The following SURF6 variants were observed in gnomAD, a reference collection of about 807,000 sequenced individuals.
SURF6 encodes the protein surfeit 6.
Under a neutral mutation model 37.5 loss-of-function variants are expected in SURF6, and 28 were observed. That is an observed-to-expected ratio of 0.75 (90% CI 0.55 to 1.02). SURF6 has a LOEUF of 1.02. Ranked by LOEUF, SURF6 falls within the 50% of genes least tolerant of loss-of-function variation. SURF6 has a pLI of 0.00. For missense variants in SURF6, 560 were observed against 490.5 expected (o/e 1.14, Z -1.34); for synonymous variants, 248 against 210.9 (o/e 1.18, Z -1.52).
At chr9:133,336,012 T>G (rs2129933434) in intron 1 of SURF6, 27 bp downstream of exon 1, 37 of 1,600,252 alleles carry the variant, frequency 2.3e-5, no homozygotes, top group Non-Finnish European at 3.1e-5. Context: ...GCAGGCCCCT[T>G]AGTCCCGGCC....
At chr9:133,334,950 G>A (rs1835836296) in intron 1 of SURF6, among the ~76,000 whole-genome samples, 1 of 152,092 alleles carries the variant, frequency 6.6e-6, no homozygotes, top group African/African-American at 2.4e-5. Flanking sequence ...TTAGCTGCTG[G>A]GGGTTATGTT....
chr9:133,336,142 C>G lies in SURF6; in HGVS notation c.-10G>C, dbSNP rs1374057484. On this transcript the variant is annotated 5_prime_UTR_variant, in exon 1 of 5. Transcript: ENST00000372022. ...CGAGTAGAGAGGCCATGGCGGAGAC[C>G]CGGGCCGTTCACGACTCACACCTTC... The G allele has an allele frequency of 6.2e-7, 1 of 1,609,392 alleles. No individual in the cohort carries two copies. The highest frequency in any genetic ancestry group is 1.3e-5 in the African/African-American group (1 of 74,574).
chr9:133,335,365 G>A (rs1345992754), intron 1 of SURF6, among the ~76,000 whole-genome samples: 1 of 151,602 alleles, frequency 6.6e-6, no homozygotes, highest in Non-Finnish European at 1.5e-5. Context: ...ACAGACGGAA[G>A]ACATACTAGG....
rs1835687753 is a variant in SURF6 at position 133,330,127 on chromosome 9, T to C, written c.*1742A>G. 1 of 152,256 alleles carries C rather than the reference T, an allele frequency of 6.6e-6. No individual in the cohort carries two copies. Among genetic ancestry groups the C allele is most frequent in the South Asian group, 2.1e-4 (1 of 4,834 alleles). 9.4% of individuals were successfully genotyped at this position (152,256 alleles called of 1,614,324 possible). On this transcript the variant is annotated 3_prime_UTR_variant, in exon 5 of 5. Coordinates refer to ENST00000372022, the MANE Select transcript of SURF6 (RefSeq NM_006753.6). Reference sequence around the variant, plus strand: ...CTGCATGCTTATTTTTCTTTAGCTTTAAAAATACAGACATACAGCGTATGT... The same window carrying C: ...CTGCATGCTTATTTTTCTTTAGCTTCAAAAATACAGACATACAGCGTATGT...
At chr9:133,335,954 G>A (rs1375273889) in intron 1 of SURF6, 85 bp downstream of exon 1, 2 of 1,042,980 alleles carry the variant, frequency 1.9e-6, no homozygotes, top group African/African-American at 1.7e-5. Flanking sequence ...TTTTTTTCTA[G>A]TACTTTACAG....
intron 2 of SURF6, 132 bp from the exon 3 acceptor site, chr9:133,333,938 G>A (rs2129925477): frequency 8.3e-6 from 6 of 723,884 alleles, no homozygotes; most frequent in East Asian, 5.5e-5. Flanking sequence ...CCACTCCACC[G>A]CTTCAACCTG....
intron 3 of SURF6, among the ~76,000 whole-genome samples, chr9:133,333,457 C>T (rs145830851): frequency 4.5e-4 from 68 of 152,284 alleles, no homozygotes; most frequent in African/African-American, 1.5e-3. Flanking sequence ...AGGACTATTA[C>T]GACATTCAGA....
Position 133,332,190 on chromosome 9 carries a change from G to C in SURF6, c.765C>G (p.Gly255=), listed in dbSNP as rs2129916005. Residue 255 remains glycine (G), a synonymous_variant, in exon 5 of 5, where the codon GGC becomes GGG. Transcript: ENST00000372022. Reference sequence around the variant, plus strand: ...GCTCCTGCGCCTTCCCCTCATCCTGGCCGCGCAGCTCGTCCAGCCGGCTCT... The same window carrying C: ...GCTCCTGCGCCTTCCCCTCATCCTGCCCGCGCAGCTCGTCCAGCCGGCTCT... ...ARQSRLDELR[G]QDEGKAQELE... is the part of the protein sequence containing the mutation. The C allele has an allele frequency of 1.9e-6, 3 of 1,609,440 alleles. No homozygotes were observed. The highest frequency in any genetic ancestry group is 1.7e-5 in the Admixed American group (1 of 60,020).
chr9:133,334,757 G>T (rs1835832356), intron 1 of SURF6, among the ~76,000 whole-genome samples, 156 bp from the exon 2 acceptor site: 1 of 152,028 alleles, frequency 6.6e-6, no homozygotes, highest in African/African-American at 2.4e-5. Context: ...CCACAACCTT[G>T]ACCCAGTAGT....
At position 133,331,940 on chromosome 9, in the gene SURF6, G is replaced by A. The variant is rs2129912855; in HGVS notation, c.1015C>T (p.Arg339Cys). ...LRRKKAARAE[R>C]RLLRARKKGR... ...TTCTTGCGGGCTCTGAGCAGGCGGCGCTCGGCGCGGGCCGCCTTCTTCCTG... is the reference window on the plus strand; with the variant it reads ...TTCTTGCGGGCTCTGAGCAGGCGGCACTCGGCGCGGGCCGCCTTCTTCCTG... Residue 339 changes from arginine (R) to cysteine (C), a missense_variant, in exon 5 of 5, where the codon CGC becomes TGC. Coordinates refer to ENST00000372022, the MANE Select transcript of SURF6 (RefSeq NM_006753.6). 2 of 1,587,042 alleles carry A rather than the reference G, an allele frequency of 1.3e-6. No individual in the cohort carries two copies. Among genetic ancestry groups the A allele is most frequent in the South Asian group, 1.1e-5 (1 of 89,636 alleles).
rs1188991705 is a variant in SURF6 at position 133,331,896 on chromosome 9, C to T, written c.1059G>A (p.Gln353=). The T allele has an allele frequency of 2.6e-6, 4 of 1,528,068 alleles. No homozygotes were observed. The highest frequency in any genetic ancestry group is 2.6e-6 in the Non-Finnish European group (3 of 1,149,938). 94.7% of individuals were successfully genotyped at this position (1,528,068 alleles called of 1,614,324 possible). Residue 353 remains glutamine, a synonymous_variant, in exon 5 of 5, where the codon CAG becomes CAA. Coordinates refer to ENST00000372022, the MANE Select transcript of SURF6 (RefSeq NM_006753.6). ...AGACCAGGCCTGCGCGCTCCAGGTC[C>T]TGCGGCAGGATGCGGCCCTTCTTGC... ...RARKKGRILP[Q]DLERAGLV
intron 1 of SURF6, among the ~76,000 whole-genome samples, chr9:133,335,320 GAA>G (rs10712179): frequency 8.0e-6 from 1 of 124,934 alleles, no homozygotes; most frequent in African/African-American, 2.6e-5. Context: ...TCGTTTTAAT[GAA>G]AAAAAAAAAA....
In SURF6 at chr9:133,332,007, C is replaced by A. The variant is rs1390171099; in HGVS notation, c.948G>T (p.Glu316Asp). The A allele has an allele frequency of 6.3e-7, 1 of 1,599,998 alleles. No individual in the cohort carries two copies. Among genetic ancestry groups the A allele is most frequent in the East Asian group, 2.2e-5 (1 of 44,852 alleles). ...RWEKRTAGVV[E>D]KMQQRQDRRR... is the part of the protein sequence containing the mutation. ...GCCGGTCCTGGCGCTGCTGCATCTT[C>A]TCCACCACGCCGGCCGTGCGCTTCT... The change falls in exon 5 of 5, where the codon GAG becomes GAT. Residue 316 changes from glutamate to aspartate, a missense_variant. By Grantham distance (45) the Glu-to-Asp change is conservative (BLOSUM62 2). Coordinates refer to ENST00000372022, the MANE Select transcript of SURF6 (RefSeq NM_006753.6).
chr9:133,331,932 C>T lies in SURF6; in HGVS notation c.1023G>A (p.Leu341=). Residue 341 remains leucine (L), a synonymous_variant, in exon 5 of 5, where the codon CTG becomes CTA. Transcript: ENST00000372022. ...RKKAARAERR[L]LRARKKGRIL... is the part of the protein sequence containing the mutation. ...TGCGGCCCTTCTTGCGGGCTCTGAG[C>T]AGGCGGCGCTCGGCGCGGGCCGCCT... The T allele has an allele frequency of 6.3e-7, 1 of 1,581,186 alleles. No homozygotes were observed. The highest frequency in any genetic ancestry group is 8.5e-7 in the Non-Finnish European group (1 of 1,172,262).
chr9:133,332,540 C>T lies in SURF6; in HGVS notation c.606+8G>A. Reference sequence around the variant, plus strand: ...CCCAGCCCGCCCAAGGACCCAGCTCCCGCTCACCTTATTGAAGATCAGCCC... The same window carrying T: ...CCCAGCCCGCCCAAGGACCCAGCTCTCGCTCACCTTATTGAAGATCAGCCC... On this transcript the variant is annotated splice_region_variant and intron_variant, in intron 4 of 4. Transcript: ENST00000372022. 6.2e-7 allele frequency: 1 copy of T among 1,606,208 alleles called. No individual in the cohort carries two copies. Among genetic ancestry groups the T allele is most frequent in the South Asian group, 1.1e-5 (1 of 90,994 alleles).
rs190425658 is a variant in SURF6 at position 133,329,303 on chromosome 9, G to A, written c.*2566C>T. ...CTGAAGCACAGCATCACAGGGAGAC[G>A]GTTAGGCCTCCAGATAACTGCGGGC... is the stretch of plus-strand genomic sequence containing the variant. On this transcript the variant is annotated 3_prime_UTR_variant, in exon 5 of 5. Coordinates refer to ENST00000372022, the MANE Select transcript of SURF6 (RefSeq NM_006753.6). The A allele has an allele frequency of 2.4e-5, 4 of 168,598 alleles. No individual in the cohort carries two copies. In the South Asian group the frequency reaches 5.0e-4, roughly 21 times the overall value. The allele number at this position is 168,598 out of a possible 1,614,324, so 10.4% of individuals were successfully genotyped here.
Position 133,334,471 on chromosome 9 carries a change from T to C in SURF6, c.225A>G (p.Pro75=), listed in dbSNP as rs2129927498. Residue 75 remains proline, a synonymous_variant, in exon 2 of 5, where the codon CCA becomes CCG. Coordinates refer to ENST00000372022, the MANE Select transcript of SURF6 (RefSeq NM_006753.6). The part of the protein sequence containing the change: ...HKAKSLGEKS[P]AASGARRPEA... ...CAGGCCTCCTGGCCCCAGAGGCTGC[T>C]GGAGATTTCTCCCCCAAGGACTTGG... 1.9e-6 allele frequency: 3 copies of C among 1,614,022 alleles called. No individual in the cohort carries two copies. Among genetic ancestry groups the C allele is most frequent in the Non-Finnish European group, 2.5e-6 (3 of 1,180,062 alleles).
At chr9:133,335,594 G>C (rs1042065316) in intron 1 of SURF6, among the ~76,000 whole-genome samples, 1 of 151,786 alleles carries the variant, frequency 6.6e-6, no homozygotes, top group African/African-American at 2.4e-5. Context: ...AGAACCCTAA[G>C]CGCAGGAGCC....
In SURF6 at chr9:133,331,688, CTCTCTT is replaced by C; in HGVS notation, c.*175_*180del. On this transcript the variant is annotated 3_prime_UTR_variant, in exon 5 of 5. Transcript: ENST00000372022. ...TGCGTTCAAGGATGACGCTGAAACT[CTCTCTT>C]TCTCACATGGGATCTGTGATCTGGG... The C allele has an allele frequency of 1.3e-6, 1 of 787,226 alleles. No homozygotes were observed. The highest frequency in any genetic ancestry group is 2.0e-5 in the African/African-American group (1 of 50,016). 48.8% of individuals were successfully genotyped at this position (787,226 alleles called of 1,614,324 possible). A position where few individuals can be genotyped will look rare whatever the true frequency, so the allele number is the denominator to read the frequency against.
Sources: allele counts gnomAD v4.1 joint callset (sites outside exome capture counted in the v4.1 genomes callset), GRCh38; gene constraint gnomAD v4.1.1; transcripts MANE v1.5; gene names NCBI Gene and HGNC (gene_info 2026-07-23, HGNC 2026-07-21).